Variants in PCDH15 observed in about 807,000 individuals in gnomAD.
PCDH15 encodes protocadherin-15.
Under a neutral mutation model 178.5 loss-of-function variants are expected in PCDH15, and 129 were observed. The ratio of observed to expected loss-of-function variants is 0.72; its 90% CI spans 0.63 to 0.84. The LOEUF (loss-of-function observed/expected upper bound fraction) is 0.84. Among genes scored for constraint, PCDH15 ranks in the 40% least tolerant of loss-of-function variants. The pLI, the probability that PCDH15 is intolerant of heterozygous loss-of-function variation, is 0.00. For synonymous variants in PCDH15, 800 were observed against 732.0 expected (o/e 1.09, Z -1.50); for missense variants, 2,230 against 2,099.9 (o/e 1.06, Z -1.21).
intron 13 of PCDH15, among the ~76,000 whole-genome samples, chr10:54,174,753 G>A (rs570479741): frequency 1.6e-5 from 2 of 124,492 alleles, no homozygotes; most frequent in Admixed American, 1.1e-4. Context: ...TCACCCAGCC[G>A]GGAGTGCAAT....
At position 54,782,737 on chromosome 10, in the gene PCDH15, A is replaced by G. The variant is rs545917167; in HGVS notation, c.-29+18188T>C. Reference sequence around the variant, plus strand: ...AAGCTTGCTACCACTGGAGTCCCCAACACATCCAGTGGTAGTACTGCCACA... The same window carrying G: ...AAGCTTGCTACCACTGGAGTCCCCAGCACATCCAGTGGTAGTACTGCCACA... On this transcript the variant is annotated intron_variant, in intron 1 of 37. Coordinates refer to ENST00000644397, the MANE Select transcript of PCDH15 (RefSeq NM_001384140.1). Among the ~76,000 whole-genome samples, 189 of 152,144 alleles carry G rather than the reference A, an allele frequency of 1.2e-3. 2 individuals are homozygous for G. Among genetic ancestry groups the G allele is most frequent in the African/African-American group, 4.3e-3 (180 of 41,510 alleles).
At chr10:55,588,937 C>T (rs1245900861) in intron 2 of PCDH15, among the ~76,000 whole-genome samples, 1 of 151,876 alleles carries the variant, frequency 6.6e-6, no homozygotes, top group African/African-American at 2.4e-5. Flanking sequence ...CAAAATTAGC[C>T]TGGCGTGGTG....
rs535118845 is a variant in PCDH15, at chr10:54,571,623, T to A, written c.92-43746A>T. ...ATATGCTGGAATGGAAATAAAAAAA[T>A]GAAAACCCTGAAAAATAAGCTCTTC... is the stretch of plus-strand genomic sequence containing the variant. On this transcript the variant is annotated intron_variant, in intron 2 of 37. Transcript: ENST00000644397. 1.8e-3 allele frequency among the ~76,000 whole-genome samples: 280 copies of A among 152,160 alleles called. 1 individual carries two copies. Among genetic ancestry groups the A allele is most frequent in the African/African-American group, 6.6e-3 (274 of 41,518 alleles).
intron 3 of PCDH15, among the ~76,000 whole-genome samples, chr10:54,429,523 A>G (rs1956703567): frequency 6.6e-6 from 1 of 152,162 alleles, no homozygotes; most frequent in Non-Finnish European, 1.5e-5. Context: ...CTTCAATCAT[A>G]AGACACAGAA....
chr10:55,122,345 G>A (rs1837792278), intron 2 of PCDH15, among the ~76,000 whole-genome samples: 1 of 152,174 alleles, frequency 6.6e-6, no homozygotes, highest in Non-Finnish European at 1.5e-5. Context: ...GCAGAAGTTA[G>A]TTATAACTAC....
intron 25 of PCDH15, among the ~76,000 whole-genome samples, chr10:53,907,761 G>C (rs1030248479): frequency 6.6e-6 from 1 of 152,062 alleles, no homozygotes; most frequent in Admixed American, 6.6e-5. Flanking sequence ...TCAAGCTCAG[G>C]GGAAAATGTA....
intron 2 of PCDH15, among the ~76,000 whole-genome samples, chr10:55,449,706 C>T (rs1432335780): frequency 6.6e-6 from 1 of 152,098 alleles, no homozygotes; most frequent in Non-Finnish European, 1.5e-5. Flanking sequence ...AGGACTATCA[C>T]TACAAATTTT....
intron 1 of PCDH15, among the ~76,000 whole-genome samples, chr10:55,300,820 T>C (rs1189355732): frequency 6.6e-6 from 1 of 152,204 alleles, no homozygotes; most frequent in Non-Finnish European, 1.5e-5. Context: ...ACAGATCTTA[T>C]CTGCCCTTTA....
intron 17 of PCDH15, among the ~76,000 whole-genome samples, chr10:54,075,355 T>G (rs1341555962): frequency 6.6e-6 from 1 of 150,488 alleles, no homozygotes; most frequent in Non-Finnish European, 1.5e-5. Flanking sequence ...CCAGCCTGGG[T>G]GACAGAGCAA....
chr10:54,931,583 A>T (rs1837777501), intron 2 of PCDH15, among the ~76,000 whole-genome samples: 1 of 152,134 alleles, frequency 6.6e-6, no homozygotes, highest in Non-Finnish European at 1.5e-5. Context: ...TGTTCCAAAA[A>T]TCTGTAAGTG....
At chr10:54,160,767 A>G (rs760209197) in intron 13 of PCDH15, among the ~76,000 whole-genome samples, 1 of 152,204 alleles carries the variant, frequency 6.6e-6, no homozygotes, top group African/African-American at 2.4e-5. Flanking sequence ...TATTTCACCA[A>G]AGAAGATCAA....
At chr10:54,343,538 G>T (rs1942652552) in intron 6 of PCDH15, among the ~76,000 whole-genome samples, 1 of 151,544 alleles carries the variant, frequency 6.6e-6, no homozygotes. Flanking sequence ...CTTTAAATTG[G>T]ATCAATCAGT....
In PCDH15 at chr10:55,122,201, G is replaced by A. The variant is rs1362806422; in HGVS notation, c.-80+44375C>T. ...TATGTCATTAATTTTAAGTGAGACT[G>A]GCCAATATGGTCATGGGATTTTCTT... On this transcript the variant is annotated intron_variant, in intron 2 of 5. Transcript: ENST00000458638. Among the ~76,000 whole-genome samples the A allele has an allele frequency of 2.0e-5, 3 of 152,218 alleles. No individual in the cohort carries two copies. In the East Asian group the frequency reaches 5.8e-4, roughly 29 times the overall value.
intron 2 of PCDH15, among the ~76,000 whole-genome samples, chr10:55,005,849 C>T (rs1455741662): frequency 1.3e-5 from 2 of 151,806 alleles, no homozygotes; most frequent in Non-Finnish European, 2.9e-5. Context: ...GAAGCAAAAA[C>T]AAAACAAAAC....
intron 2 of PCDH15, among the ~76,000 whole-genome samples, chr10:54,915,313 T>C (rs1367470803): frequency 3.3e-5 from 5 of 152,160 alleles, no homozygotes. Context: ...CATTTTTTAG[T>C]CAAGATATTA....
intron 8 of PCDH15, among the ~76,000 whole-genome samples, chr10:54,291,485 A>C (rs1320835753): frequency 6.6e-6 from 1 of 152,198 alleles, no homozygotes; most frequent in East Asian, 1.9e-4. Context: ...AGCAGAACTG[A>C]AGGAGATAGG....
chr10:54,686,188 T>G (rs1251086445), intron 1 of PCDH15, among the ~76,000 whole-genome samples: 1 of 147,726 alleles, frequency 6.8e-6, no homozygotes, highest in Non-Finnish European at 1.5e-5. Flanking sequence ...GATAGCCAAT[T>G]TTAATTATAA....
chr10:55,572,754 A>C (rs1842430335), intron 2 of PCDH15, among the ~76,000 whole-genome samples: 1 of 152,074 alleles, frequency 6.6e-6, no homozygotes, highest in African/African-American at 2.4e-5. Flanking sequence ...ATTTCAGCAG[A>C]GAGCTGAATG....
At chr10:54,354,025 G>A (rs1362110442) in intron 5 of PCDH15, among the ~76,000 whole-genome samples, 1 of 152,012 alleles carries the variant, frequency 6.6e-6, no homozygotes, top group Non-Finnish European at 1.5e-5. Context: ...CGCTCTTGTT[G>A]GCCAGGCTGG....
Sources: gnomAD v4.1 joint callset for allele counts (sites outside exome capture counted in the v4.1 genomes callset) on GRCh38, gnomAD v4.1.1 for gene constraint, MANE v1.5 for transcripts, NCBI Gene and HGNC (gene_info 2026-07-23, HGNC 2026-07-21) for gene names.